The following DENND1A variants were observed in gnomAD, a reference collection of about 807,000 sequenced individuals.
The protein encoded by DENND1A is DENN domain-containing protein 1A.
A neutral mutation model predicts 113.7 loss-of-function variants in DENND1A; 51 were observed. The ratio of observed to expected loss-of-function variants is 0.45; its 90% CI spans 0.36 to 0.57. The LOEUF (loss-of-function observed/expected upper bound fraction) is 0.57, where lower values mean the gene tolerates loss of function less well. Among genes scored for constraint, DENND1A ranks in the 20% least tolerant of loss-of-function variants. The pLI is 0.00. For missense variants in DENND1A, 1,258 were observed against 1,395.9 expected (o/e 0.90, Z 1.57); for synonymous variants, 565 against 570.8 (o/e 0.99, Z 0.14).
intron 13 of DENND1A, among the ~76,000 whole-genome samples, chr9:123,506,368 G>C (rs187920924): frequency 6.6e-6 from 1 of 152,158 alleles, no homozygotes; most frequent in African/African-American, 2.4e-5. Context: ...CGGATCACTA[G>C]GTCAAGAGAT....
At chr9:123,638,918 T>C (rs1296963012) in intron 9 of DENND1A, among the ~76,000 whole-genome samples, 2 of 151,430 alleles carry the variant, frequency 1.3e-5, no homozygotes, top group African/African-American at 4.9e-5. Flanking sequence ...TAATAAAGAA[T>C]CATACTTTTA....
At position 123,667,034 on chromosome 9, in the gene DENND1A, G is replaced by A. The variant is rs2063525694; in HGVS notation, c.499C>T (p.Pro167Ser). 2 of 1,592,478 alleles carry A rather than the reference G, an allele frequency of 1.3e-6. No homozygotes were observed. Among genetic ancestry groups the A allele is most frequent in the Non-Finnish European group, 1.7e-6 (2 of 1,173,182 alleles). ...VPDTRELPSI[P>S]ENRNLTEYFV... The stretch of plus-strand genomic sequence containing the variant: ...TCTTCCCAAGTACTTACATTCTCAG[G>A]TATGCTGGGAAGTTCTCTGGTATCA... Residue 167 changes from proline (P) to serine (S), a missense_variant, in exon 8 of 24, where the codon CCT (proline) becomes TCT (serine). By Grantham distance (74) the Pro-to-Ser change is moderately conservative. Coordinates refer to ENST00000394215, the MANE Select transcript of DENND1A (RefSeq NM_001352964.2).
At chr9:123,703,897 CTGT>C (rs1370962591) in intron 5 of DENND1A, among the ~76,000 whole-genome samples, 2 of 151,996 alleles carry the variant, frequency 1.3e-5, no homozygotes, top group Non-Finnish European at 2.9e-5. Context: ...GGTTATACAT[CTGT>C]ATACATTTGT....
In DENND1A at chr9:123,484,310, G is replaced by A. The variant is rs572306533; in HGVS notation, c.994-26413C>T. Reference sequence around the variant, plus strand: ...CTAGACAGCCTAGCGCAGACCTCTCGATTGGGGCAAAGGGCTGTGGTGAGG... The same window carrying A: ...CTAGACAGCCTAGCGCAGACCTCTCAATTGGGGCAAAGGGCTGTGGTGAGG... On this transcript the variant is annotated intron_variant, in intron 13 of 23. Transcript: ENST00000394215. 3.3e-5 allele frequency among the ~76,000 whole-genome samples: 5 copies of A among 152,274 alleles called. No individual in the cohort carries two copies. In the East Asian group the frequency reaches 9.6e-4, roughly 29 times the overall value.
At chr9:123,718,124 T>A (rs1349091421) in intron 5 of DENND1A, among the ~76,000 whole-genome samples, 2 of 152,184 alleles carry the variant, frequency 1.3e-5, no homozygotes, top group East Asian at 3.9e-4. Flanking sequence ...TAAAAGCACA[T>A]ACACTAATGT....
At chr9:123,805,933 A>C (rs996372380) in intron 2 of DENND1A, among the ~76,000 whole-genome samples, 1 of 152,130 alleles carries the variant, frequency 6.6e-6, no homozygotes, top group African/African-American at 2.4e-5. Flanking sequence ...AACAGTAAAA[A>C]ATATGACATA....
At chr9:123,437,101 G>A (rs1177510594) in intron 19 of DENND1A, among the ~76,000 whole-genome samples, 2 of 152,182 alleles carry the variant, frequency 1.3e-5, no homozygotes, top group African/African-American at 2.4e-5. Context: ...AGTGCTTGGA[G>A]CCTACTTCCC....
intron 12 of DENND1A, among the ~76,000 whole-genome samples, chr9:123,576,430 G>T (rs895884579): frequency 2.0e-5 from 3 of 152,120 alleles, no homozygotes; most frequent in African/African-American, 7.2e-5. Flanking sequence ...CCCCGCTGAA[G>T]AACTTCTTTT....
At chr9:123,567,323 C>G (rs1277181748) in intron 12 of DENND1A, among the ~76,000 whole-genome samples, 1 of 152,190 alleles carries the variant, frequency 6.6e-6, no homozygotes, top group African/African-American at 2.4e-5. Flanking sequence ...AAGAAGCATT[C>G]TCTTGCAAAC....
intron 13 of DENND1A, among the ~76,000 whole-genome samples, chr9:123,528,522 TTGAC>T (rs1294338633): frequency 6.6e-6 from 1 of 152,210 alleles, no homozygotes; most frequent in Non-Finnish European, 1.5e-5. Context: ...TGCACATTTT[TTGAC>T]TGACTGATTC....
At chr9:123,655,788 GA>G (rs1200477670) in intron 8 of DENND1A, among the ~76,000 whole-genome samples, 10 of 152,184 alleles carry the variant, frequency 6.6e-5, no homozygotes, top group Non-Finnish European at 1.5e-5. Context: ...AGCTTCTGCT[GA>G]TAAAAGACAC....
chr9:123,840,672 AT>A (rs1371839803), intron 2 of DENND1A, among the ~76,000 whole-genome samples: 1 of 152,194 alleles, frequency 6.6e-6, no homozygotes, highest in Non-Finnish European at 1.5e-5. Flanking sequence ...AAGAGTCGCC[AT>A]TATTATTATC....
At chr9:123,918,444 C>T (rs113464890) in intron 1 of DENND1A, among the ~76,000 whole-genome samples, 18,533 of 149,118 alleles carry the variant, frequency 0.12, 1,703 homozygotes, top group African/African-American at 0.26. Flanking sequence ...GCTGAGATCA[C>T]GCCACTGCTC....
chr9:123,484,789 C>T (rs1483987174), intron 13 of DENND1A, among the ~76,000 whole-genome samples: 2 of 152,322 alleles, frequency 1.3e-5, no homozygotes, highest in East Asian at 1.9e-4. Flanking sequence ...GCCCTCAGTA[C>T]AGTCTGGCAT....
intron 13 of DENND1A, among the ~76,000 whole-genome samples, chr9:123,476,228 G>A (rs1390327245): frequency 6.6e-6 from 1 of 152,052 alleles, no homozygotes; most frequent in Non-Finnish European, 1.5e-5. Flanking sequence ...ACAATATTTG[G>A]TAAGTGTCTT....
intron 19 of DENND1A, among the ~76,000 whole-genome samples, chr9:123,421,372 G>A (rs544251741): frequency 5.4e-4 from 82 of 151,886 alleles, no homozygotes; most frequent in Non-Finnish European, 2.8e-4. Flanking sequence ...GCCCAAGTAC[G>A]CCTGACTCCA....
At chr9:123,417,145 G>A (rs2044798024) in intron 19 of DENND1A, among the ~76,000 whole-genome samples, 1 of 152,220 alleles carries the variant, frequency 6.6e-6, no homozygotes, top group Non-Finnish European at 1.5e-5. Flanking sequence ...GCATCGGTGT[G>A]AGGATGAGAG....
chr9:123,507,052 G>A (rs9695948), intron 13 of DENND1A, among the ~76,000 whole-genome samples: 4,853 of 152,270 alleles, frequency 0.032, 271 homozygotes, highest in African/African-American at 0.11. Context: ...AGCTGGGCAT[G>A]GTGGCACGTG....
intron 7 of DENND1A, among the ~76,000 whole-genome samples, chr9:123,669,480 A>G (rs1011109791): frequency 6.6e-6 from 1 of 152,244 alleles, no homozygotes; most frequent in Non-Finnish European, 1.5e-5. Flanking sequence ...AACCACTGGC[A>G]TGAAACAGCT....
Sources: allele counts gnomAD v4.1 joint callset (sites outside exome capture counted in the v4.1 genomes callset), GRCh38; gene constraint gnomAD v4.1.1; transcripts MANE v1.5; gene names NCBI Gene and HGNC (gene_info 2026-07-23, HGNC 2026-07-21).